CEP128: variants seen among roughly 807,000 people sequenced by gnomAD.
CEP128 encodes centrosomal protein 128.
In CEP128, 132 loss-of-function variants were observed where a neutral mutation model predicts 156.7. The observed-to-expected ratio is 0.84, with a 90% CI of 0.73 to 0.97. CEP128 has a LOEUF of 0.97. Ranked by LOEUF, CEP128 falls within the 50% of genes least tolerant of loss-of-function variation. The probability of loss-of-function intolerance (pLI) is 0.00; values close to 1 mark genes in which losing one functional copy is unlikely to be tolerated. For synonymous variants in CEP128, 469 were observed against 448.9 expected (o/e 1.04, Z -0.57); for missense variants, 1,252 against 1,281.9 (o/e 0.98, Z 0.36).
At chr14:80,621,052 C>T (rs1299169551) in intron 19 of CEP128, among the ~76,000 whole-genome samples, 1 of 152,076 alleles carries the variant, frequency 6.6e-6, no homozygotes, top group East Asian at 1.9e-4. Flanking sequence ...TGCTTAGGAT[C>T]CTAGCAATAC....
At chr14:80,799,078 T>C (rs1397161936) in intron 13 of CEP128, among the ~76,000 whole-genome samples, 2 of 152,142 alleles carry the variant, frequency 1.3e-5, no homozygotes, top group African/African-American at 2.4e-5. Context: ...CAGTGGCATA[T>C]CATGGAAACA....
intron 19 of CEP128, among the ~76,000 whole-genome samples, chr14:80,688,214 T>A (rs1896592804): frequency 6.6e-6 from 1 of 152,158 alleles, no homozygotes; most frequent in Non-Finnish European, 1.5e-5. Flanking sequence ...ATTAATTTTA[T>A]TTAAAATAGC....
intron 2 of CEP128, chr14:80,955,079 G>T (rs8022600): frequency 0.49 from 79,432 of 160,710 alleles, 21,236 homozygotes; most frequent in African/African-American, 0.7. Context: ...CGCACCGCGG[G>T]CTAGCCAGGG....
At chr14:80,480,064 G>A (rs1376612038) in intron 14 of CEP128, among the ~76,000 whole-genome samples, 1 of 152,158 alleles carries the variant, frequency 6.6e-6, no homozygotes, top group Non-Finnish European at 1.5e-5. Context: ...CTGCTTTCAT[G>A]GGCTGGTGTT....
rs982574909 is a variant in CEP128, at chr14:80,809,327, T to A, written c.1210-16217A>T. On this transcript the variant is annotated intron_variant, in intron 13 of 24. Coordinates refer to ENST00000555265, the MANE Select transcript of CEP128 (RefSeq NM_152446.5). Reference sequence around the variant, plus strand: ...CTTTAAAATGATTCAATCAGAATTTTAAAAAAAAAGAAGAAACAGAGCAGA... The same window carrying A: ...CTTTAAAATGATTCAATCAGAATTTAAAAAAAAAAGAAGAAACAGAGCAGA... Among the ~76,000 whole-genome samples, 57 of 151,572 alleles carry A rather than the reference T, an allele frequency of 3.8e-4. 1 individual carries two copies. Among genetic ancestry groups the A allele is most frequent in the Middle Eastern group, 3.4e-3 (1 of 294 alleles).
chr14:80,602,927 T>C (rs1479381413), intron 19 of CEP128, among the ~76,000 whole-genome samples: 1 of 152,122 alleles, frequency 6.6e-6, no homozygotes, highest in Admixed American at 6.5e-5. Context: ...AAAAATCCTA[T>C]GGTCAAAGAA....
intron 24 of CEP128, among the ~76,000 whole-genome samples, chr14:80,501,980 G>A (rs909804995): frequency 6.6e-6 from 1 of 152,102 alleles, no homozygotes; most frequent in Non-Finnish European, 1.5e-5. Context: ...CAACAACCTG[G>A]AAGTTACCAC....
At chr14:80,650,319 G>A (rs1894846535) in intron 19 of CEP128, among the ~76,000 whole-genome samples, 1 of 152,200 alleles carries the variant, frequency 6.6e-6, no homozygotes, top group East Asian at 1.9e-4. Context: ...AGTTTGGGCT[G>A]AGACGATGGG....
chr14:80,479,886 C>A (rs968814067), intron 14 of CEP128, among the ~76,000 whole-genome samples: 1 of 152,132 alleles, frequency 6.6e-6, no homozygotes, highest in East Asian at 1.9e-4. Context: ...TGGGTAAATA[C>A]AGCCATTGCA....
At chr14:80,857,104 T>C (rs1427536863) in intron 9 of CEP128, among the ~76,000 whole-genome samples, 4 of 151,820 alleles carry the variant, frequency 2.6e-5, no homozygotes, top group African/African-American at 4.8e-5. Flanking sequence ...TCAATGTATA[T>C]GAAATAGCCA....
At chr14:80,565,914 T>C (rs993036121) in intron 20 of CEP128, among the ~76,000 whole-genome samples, 4 of 152,186 alleles carry the variant, frequency 2.6e-5, no homozygotes, top group African/African-American at 9.7e-5. Flanking sequence ...AATGCAGCAT[T>C]TTCCAAGAAT....
chr14:80,725,140 AT>A (rs1566878740), intron 19 of CEP128, among the ~76,000 whole-genome samples: 1 of 149,338 alleles, frequency 6.7e-6, no homozygotes, highest in Non-Finnish European at 1.5e-5. Context: ...CTGGAATTCA[AT>A]TCTCGAGTTT....
chr14:80,547,328 T>G lies in CEP128; in HGVS notation c.2880+11951A>C, dbSNP rs183698937. Among the ~76,000 whole-genome samples, 12 of 152,364 alleles carry G rather than the reference T, an allele frequency of 7.9e-5. No individual in the cohort carries two copies. The East Asian group carries it at 2.3e-3, about 29-fold the overall frequency. ...TAAATATGAGATTTGATTGCAAATT[T>G]TCTTCCTCTTCACTTTGTATCATTT... On this transcript the variant is annotated intron_variant, in intron 21 of 24. Transcript: ENST00000555265.
chr14:80,656,891 A>G (rs10137925), intron 19 of CEP128, among the ~76,000 whole-genome samples: 5,144 of 152,288 alleles, frequency 0.034, 290 homozygotes, highest in African/African-American at 0.12. Context: ...AGCGAACCAG[A>G]TATACTAACA....
intron 2 of CEP128, among the ~76,000 whole-genome samples, chr14:80,923,070 G>A (rs1279752038): frequency 6.6e-6 from 1 of 152,208 alleles, no homozygotes; most frequent in Non-Finnish European, 1.5e-5. Flanking sequence ...TTGAGAGAAA[G>A]TCTCTGGAAT....
intron 8 of CEP128, among the ~76,000 whole-genome samples, chr14:80,868,597 T>C (rs541217094): frequency 6.6e-6 from 1 of 152,060 alleles, no homozygotes; most frequent in East Asian, 1.9e-4. Context: ...GAAGAAACTA[T>C]AAAACATTCA....
intron 12 of CEP128, among the ~76,000 whole-genome samples, chr14:80,832,419 A>C (rs1885855161): frequency 6.6e-6 from 1 of 152,200 alleles, no homozygotes; most frequent in African/African-American, 2.4e-5. Context: ...TGAAAGAAGA[A>C]AACACTAACA....
chr14:80,654,828 T>C (rs558214522), intron 19 of CEP128, among the ~76,000 whole-genome samples: 1 of 152,266 alleles, frequency 6.6e-6, no homozygotes, highest in South Asian at 2.1e-4. Context: ...CTAATCTTCA[T>C]CTAAATCTTC....
intron 19 of CEP128, among the ~76,000 whole-genome samples, chr14:80,697,510 C>G (rs1304863314): frequency 6.6e-6 from 1 of 152,054 alleles, no homozygotes; most frequent in Non-Finnish European, 1.5e-5. Context: ...ATTGAAATCA[C>G]ATTTGAGAAA....
Sources: gnomAD v4.1 joint callset for allele counts (sites outside exome capture counted in the v4.1 genomes callset) on GRCh38, gnomAD v4.1.1 for gene constraint, MANE v1.5 for transcripts, NCBI Gene and HGNC (gene_info 2026-07-23, HGNC 2026-07-21) for gene names.